Variants in HRH1 observed in about 807,000 individuals in gnomAD.
HRH1 encodes histamine H1 receptor.
A neutral mutation model predicts 10.3 loss-of-function variants in HRH1; 6 were observed. The observed-to-expected ratio is 0.58, with a 90% CI of 0.32 to 1.15. HRH1 has a LOEUF of 1.15. Ranked by LOEUF, HRH1 falls within the 50% of genes most tolerant of loss-of-function variation. The pLI is 0.05. For synonymous variants in HRH1, 242 were observed against 236.7 expected, an observed-to-expected ratio of 1.02 and a Z score of -0.21; for missense variants, 514 against 615.3, an observed-to-expected ratio of 0.84 and a Z score of 1.74.
At chr3:11,245,589 A>C (rs1050264276) in intron 1 of HRH1, among the ~76,000 whole-genome samples, 3 of 152,138 alleles carry the variant, frequency 2.0e-5, no homozygotes, top group Admixed American at 2.0e-4. Flanking sequence ...CAGGATGTGC[A>C]AGGAGCGCTG....
intron 1 of HRH1, among the ~76,000 whole-genome samples, chr3:11,221,839 A>T (rs768585623): frequency 9.2e-5 from 14 of 152,166 alleles, no homozygotes; most frequent in Admixed American, 4.6e-4. Flanking sequence ...AAGTGGAATC[A>T]TGCAGTATTT....
intron 1 of HRH1, among the ~76,000 whole-genome samples, chr3:11,146,868 AAG>A (rs1936461764): frequency 6.6e-6 from 1 of 152,190 alleles, no homozygotes; most frequent in African/African-American, 2.4e-5. Context: ...GGAAGAAGCT[AAG>A]AGAGGAAATG....
At chr3:11,159,874 C>T (rs1334937738) in intron 1 of HRH1, among the ~76,000 whole-genome samples, 3 of 152,180 alleles carry the variant, frequency 2.0e-5, no homozygotes, top group Admixed American at 1.3e-4. Context: ...GAGGAACTTG[C>T]TACCAATCAG....
In HRH1 at chr3:11,139,358, C is replaced by A. The variant is rs562206446; in HGVS notation, c.-36+1959C>A. Among the ~76,000 whole-genome samples the A allele has an allele frequency of 1.6e-3, 242 of 151,866 alleles. 2 individuals carry two copies. Among genetic ancestry groups the A allele is most frequent in the Non-Finnish European group, 3.0e-3 (205 of 67,960 alleles). On this transcript the variant is annotated intron_variant, in intron 1 of 1. Coordinates refer to the HRH1 transcript ENST00000438284. ...GCAGTGGTGCAATCTCGGCTCACTGCGACCTCCGCCTCCCGGGTTCAAGCA... is the reference window on the plus strand; with the variant it reads ...GCAGTGGTGCAATCTCGGCTCACTGAGACCTCCGCCTCCCGGGTTCAAGCA...
chr3:11,180,945 G>GCACACACACACACACA (rs1229311363), intron 1 of HRH1, among the ~76,000 whole-genome samples: 1 of 64,634 alleles, frequency 1.5e-5, no homozygotes, highest in Non-Finnish European at 3.0e-5. Flanking sequence ...CTTCTCTCAG[G>GCACACACACACACACA]CATACACACA....
chr3:11,175,753 CAT>C (rs2125014524), intron 1 of HRH1, among the ~76,000 whole-genome samples: 1 of 152,330 alleles, frequency 6.6e-6, no homozygotes, highest in East Asian at 1.9e-4. Context: ...TGGATACACA[CAT>C]ATGTCGAATT....
At chr3:11,218,645 G>A (rs191670830) in intron 1 of HRH1, among the ~76,000 whole-genome samples, 71 of 152,004 alleles carry the variant, frequency 4.7e-4, no homozygotes, top group African/African-American at 1.0e-3. Context: ...GCATGATCTC[G>A]GCTCACTGCA....
chr3:11,178,882 TTGTAAC>T (rs1355934260), intron 1 of HRH1, among the ~76,000 whole-genome samples: 4 of 152,204 alleles, frequency 2.6e-5, no homozygotes, highest in African/African-American at 7.2e-5. Flanking sequence ...GCTTTCTCCC[TTGTAAC>T]TGTGAGTTAG....
At chr3:11,149,015 G>A (rs1936535215) in intron 1 of HRH1, among the ~76,000 whole-genome samples, 1 of 152,102 alleles carries the variant, frequency 6.6e-6, no homozygotes, top group African/African-American at 2.4e-5. Context: ...AGACACTTGA[G>A]ATAGAGTGAC....
intron 1 of HRH1, among the ~76,000 whole-genome samples, chr3:11,195,635 C>G (rs1434419593): frequency 6.6e-6 from 1 of 152,178 alleles, no homozygotes; most frequent in Non-Finnish European, 1.5e-5. Flanking sequence ...GCTTCTTGCC[C>G]TTTTGAAAGC....
chr3:11,180,766 C>T (rs1046641350), intron 1 of HRH1, among the ~76,000 whole-genome samples: 17 of 152,250 alleles, frequency 1.1e-4, no homozygotes, highest in African/African-American at 3.9e-4. Context: ...TGATCTACAC[C>T]GTAGCATGTG....
chr3:11,223,337 CA>C (rs11323741), intron 1 of HRH1, among the ~76,000 whole-genome samples: 81,992 of 145,626 alleles, frequency 0.56, 24,959 homozygotes, highest in African/African-American at 0.81. Flanking sequence ...ACTAAAAATA[CA>C]AAAAAAAAAA....
chr3:11,172,743 C>T (rs1333940331), intron 1 of HRH1, among the ~76,000 whole-genome samples: 33 of 149,124 alleles, frequency 2.2e-4, no homozygotes, highest in African/African-American at 8.1e-4. Context: ...CGCTCTGTCC[C>T]CCAGGCTGAA....
At chr3:11,187,418 A>G (rs954492391) in intron 1 of HRH1, among the ~76,000 whole-genome samples, 3 of 151,860 alleles carry the variant, frequency 2.0e-5, no homozygotes, top group Admixed American at 6.5e-5. Flanking sequence ...GAGAAAAATA[A>G]TATCTAAAAA....
At chr3:11,245,371 AC>A (rs1271109713) in intron 1 of HRH1, among the ~76,000 whole-genome samples, 3 of 151,114 alleles carry the variant, frequency 2.0e-5, no homozygotes, top group African/African-American at 7.3e-5. Flanking sequence ...AAATAGAGAA[AC>A]CCTGAGTTAG....
At chr3:11,162,938 C>CCA (rs1287856753) in intron 1 of HRH1, among the ~76,000 whole-genome samples, 5 of 152,182 alleles carry the variant, frequency 3.3e-5, no homozygotes, top group Non-Finnish European at 7.3e-5. Context: ...TCCACAGGCA[C>CCA]CACCACATCT....
chr3:11,178,971 C>A (rs1053103630), intron 1 of HRH1, among the ~76,000 whole-genome samples: 1 of 152,196 alleles, frequency 6.6e-6, no homozygotes, highest in African/African-American at 2.4e-5. Context: ...TCCACAGTTC[C>A]TTTAATGATC....
At chr3:11,203,075 G>A (rs1016770088) in intron 1 of HRH1, among the ~76,000 whole-genome samples, 38 of 152,106 alleles carry the variant, frequency 2.5e-4, no homozygotes, top group African/African-American at 8.5e-4. Flanking sequence ...CTCTCCCCAT[G>A]GCTTGATAGC....
intron 1 of HRH1, among the ~76,000 whole-genome samples, chr3:11,163,517 G>T (rs1033181644): frequency 3.9e-4 from 59 of 152,268 alleles, no homozygotes; most frequent in African/African-American, 1.4e-3. Flanking sequence ...CTTAGTCACT[G>T]TATGACCAGG....
Sources: allele counts gnomAD v4.1 joint callset (sites outside exome capture counted in the v4.1 genomes callset), GRCh38; gene constraint gnomAD v4.1.1; transcripts MANE v1.5; gene names NCBI Gene and HGNC (gene_info 2026-07-23, HGNC 2026-07-21).